Variants in PXN observed in about 807,000 individuals in gnomAD.
PXN encodes the protein paxillin.
Under a neutral mutation model 103.6 loss-of-function variants are expected in PXN, and 61 were observed. That is an observed-to-expected ratio of 0.59 (90% CI 0.48 to 0.73). The LOEUF (loss-of-function observed/expected upper bound fraction) is 0.73. Ranked by LOEUF, PXN falls within the 30% of genes least tolerant of loss-of-function variation. The pLI is 0.00. For missense variants in PXN, 1,274 were observed against 1,460.3 expected, an observed-to-expected ratio of 0.87 and a Z score of 2.08; for synonymous variants, 562 against 607.8, an observed-to-expected ratio of 0.92 and a Z score of 1.11.
rs543484779 is a variant in PXN, at chr12:120,228,883, C to T, written c.14-4506G>A. On this transcript the variant is annotated intron_variant, in intron 1 of 14. Coordinates refer to ENST00000637617, the MANE Select transcript of PXN (RefSeq NM_001385981.1). This position sits in a 1 kb window ranked among gnomAD's most constrained non-coding sequence, Gnocchi z 4.7. ...CTGCAGCTTTGGGTCGGGAGGCCGC[C>T]CTGGGGCAGGTGGCTGGGCAGAAAC... 9.5e-4 allele frequency among the ~76,000 whole-genome samples: 145 copies of T among 151,910 alleles called. 1 individual carries two copies. The highest frequency in any genetic ancestry group is 3.4e-3 in the African/African-American group (140 of 41,190).
intron 1 of PXN, among the ~76,000 whole-genome samples, chr12:120,249,356 A>G (rs2136608501): frequency 6.6e-6 from 1 of 152,278 alleles, no homozygotes; most frequent in African/African-American, 2.4e-5. Flanking sequence ...GGATCAGTCC[A>G]GAAGCACAGA....
chr12:120,253,793 G>A (rs1372330884), intron 1 of PXN, among the ~76,000 whole-genome samples: 2 of 152,208 alleles, frequency 1.3e-5, no homozygotes, highest in African/African-American at 4.8e-5. Context: ...AGCATGGAAG[G>A]ACGTGCTAAG....
In PXN at chr12:120,212,070, G is replaced by T; in HGVS notation, c.*244C>A. The stretch of plus-strand genomic sequence containing the variant: ...GTGGAGCCCCCAGCCTCTACCCCTG[G>T]GGAGGATGGAGAGTGGGCAGCCTAG... On this transcript the variant is annotated 3_prime_UTR_variant, in exon 15 of 15. Transcript: ENST00000637617. This position sits in a 1 kb window ranked among gnomAD's most constrained non-coding sequence, Gnocchi z 7.2. The T allele has an allele frequency of 2.7e-6, 2 of 733,040 alleles. No individual in the cohort carries two copies. The highest frequency in any genetic ancestry group is 2.5e-6 in the Non-Finnish European group (1 of 401,378). 45.4% of individuals were successfully genotyped at this position (733,040 alleles called of 1,614,324 possible).
chr12:120,243,383 G>A lies in PXN; in HGVS notation c.14-19006C>T, dbSNP rs554492964. ...GGTTGGGGCCTTTTCTAAATGTTGA[G>A]GTTCTATTTAAACACACAACAAAAG... On this transcript the variant is annotated intron_variant, in intron 1 of 14. Coordinates refer to ENST00000637617, the MANE Select transcript of PXN (RefSeq NM_001385981.1). 3.3e-5 allele frequency among the ~76,000 whole-genome samples: 5 copies of A among 152,238 alleles called. No homozygotes were observed. In the East Asian group the frequency reaches 9.7e-4, roughly 29 times the overall value.
Position 120,216,832 on chromosome 12 carries a change from CCTCGCCACCTT to C in PXN, c.1990_1992+8del, listed in dbSNP as rs753967042. The C allele has an allele frequency of 3.2e-6, 5 of 1,542,408 alleles. 1 individual carries two copies. The South Asian group carries it at 6.0e-5, about 18-fold the overall frequency. ...GGCCCAGCCCCAGCCATGGGCATCT[CCTCGCCACCTT>C]CTCTACGAGCTGCCCCCCGGCCCGC... On this transcript the variant is annotated splice_donor_variant and splice_donor_5th_base_variant and coding_sequence_variant and intron_variant, in exon 8 of 15. Transcript: ENST00000637617. LOFTEE classifies it high-confidence loss of function. The surrounding 1 kb of genome is among the most constrained non-coding windows in gnomAD (Gnocchi z 5.1).
Position 120,214,773 on chromosome 12 carries a change from C to A in PXN, c.2748+52G>T. On this transcript the variant is annotated intron_variant, in intron 12 of 14. Coordinates refer to ENST00000637617, the MANE Select transcript of PXN (RefSeq NM_001385981.1). This position sits in a 1 kb window ranked among gnomAD's most constrained non-coding sequence, Gnocchi z 5.0. ...CACCCCCTGCATCCTCAGAGGGCTG[C>A]GGTGAAGCTGGAATGAGCGGAAGCG... 1 of 1,601,416 alleles carries A rather than the reference C, an allele frequency of 6.2e-7. No homozygotes were observed. The highest frequency in any genetic ancestry group is 1.7e-4 in the Middle Eastern group (1 of 5,718).
At chr12:120,230,599 G>T (rs1452109524) in intron 1 of PXN, among the ~76,000 whole-genome samples, 1 of 152,172 alleles carries the variant, frequency 6.6e-6, no homozygotes, top group African/African-American at 2.4e-5. Flanking sequence ...GATTAGGAAG[G>T]AAAACAGAAC....
intron 1 of PXN, among the ~76,000 whole-genome samples, chr12:120,254,927 A>G (rs1316408952): frequency 6.6e-6 from 1 of 152,222 alleles, no homozygotes; most frequent in Non-Finnish European, 1.5e-5. Flanking sequence ...AATGCCCATT[A>G]TCTAATACAG....
At position 120,228,830 on chromosome 12, in the gene PXN, A is replaced by T. The variant is rs1887441608; in HGVS notation, c.14-4453T>A. On this transcript the variant is annotated intron_variant, in intron 1 of 14. Coordinates refer to ENST00000637617, the MANE Select transcript of PXN (RefSeq NM_001385981.1). This position sits in a 1 kb window ranked among gnomAD's most constrained non-coding sequence, Gnocchi z 4.7. ...GCCCCTATCTGCACCCCATGGCTGC[A>T]CCTGGTCGGAGCAACAGCATGGAAC... Among the ~76,000 whole-genome samples, 1 of 152,188 alleles carries T rather than the reference A, an allele frequency of 6.6e-6. No individual in the cohort carries two copies. The highest frequency in any genetic ancestry group is 1.9e-4 in the East Asian group (1 of 5,186).
At chr12:120,231,956 C>T (rs1323321740) in intron 1 of PXN, among the ~76,000 whole-genome samples, 1 of 152,268 alleles carries the variant, frequency 6.6e-6, no homozygotes, top group Admixed American at 6.5e-5. Flanking sequence ...TGACTCTGAG[C>T]ACTTCTATGC....
chr12:120,234,669 G>A (rs1594452049), intron 1 of PXN, among the ~76,000 whole-genome samples: 1 of 152,126 alleles, frequency 6.6e-6, no homozygotes, highest in East Asian at 1.9e-4. Context: ...GTTCAAATCC[G>A]CCACTCACTA....
At chr12:120,249,804 G>A (rs1891855546) in intron 1 of PXN, 4 of 953,924 alleles carry the variant, frequency 4.2e-6, no homozygotes, top group Non-Finnish European at 5.0e-6. Flanking sequence ...GAAAGTTCAG[G>A]ACACAGCAGA....
In PXN at chr12:120,222,670, C is replaced by G; in HGVS notation, c.574G>C (p.Gly192Arg). ...TCTTTCGTCAGGGGCCCAGCTTTGC[C>G]TCCCAAGGGGCTGTTAGTCTCTGGG... is the stretch of plus-strand genomic sequence containing the variant. ...GVPETNSPLG[G>R]KAGPLTKEKP... Residue 192 changes from glycine (G) to arginine (R), a missense_variant, in exon 5 of 15, where the codon GGC becomes CGC. Physicochemically the swap from Gly to Arg is moderately radical, Grantham distance 125 (BLOSUM62 -2). Around this residue, in one of 2 missense-constraint regions of PXN, gnomAD observed 1,178 missense variants for 1,309.0 expected, o/e 0.90. Transcript: ENST00000637617. The surrounding 1 kb of genome is among the most constrained non-coding windows in gnomAD (Gnocchi z 4.7). The G allele has an allele frequency of 6.2e-7, 1 of 1,608,772 alleles. No individual in the cohort carries two copies. The highest frequency in any genetic ancestry group is 8.5e-7 in the Non-Finnish European group (1 of 1,177,794).
At chr12:120,238,427 G>C (rs941108733) in intron 1 of PXN, among the ~76,000 whole-genome samples, 3 of 152,194 alleles carry the variant, frequency 2.0e-5, no homozygotes, top group African/African-American at 7.2e-5. Context: ...CTCCAACCAG[G>C]CTTGGCTGGC....
rs893023789 is a variant in PXN at position 120,228,640 on chromosome 12, A to G, written c.14-4263T>C. ...GCGCAGTGGGGAAGTTTCTATCCTTAGAGAACAAGGCTGAGCTGGAGGAAC... is the reference window on the plus strand; with the variant it reads ...GCGCAGTGGGGAAGTTTCTATCCTTGGAGAACAAGGCTGAGCTGGAGGAAC... On this transcript the variant is annotated intron_variant, in intron 1 of 14. Coordinates refer to ENST00000637617, the MANE Select transcript of PXN (RefSeq NM_001385981.1). The surrounding 1 kb of genome is among the most constrained non-coding windows in gnomAD (Gnocchi z 4.7). 6.6e-6 allele frequency among the ~76,000 whole-genome samples: 1 copy of G among 152,228 alleles called. No individual in the cohort carries two copies. The highest frequency in any genetic ancestry group is 2.1e-4 in the South Asian group (1 of 4,834).
intron 1 of PXN, among the ~76,000 whole-genome samples, chr12:120,242,346 C>T (rs1170172589): frequency 3.3e-5 from 5 of 152,140 alleles, no homozygotes; most frequent in Non-Finnish European, 7.3e-5. Context: ...CTGCACGAGT[C>T]TGCCTCTGAA....
In PXN at chr12:120,216,328, G is replaced by T. The variant is rs1353211388; in HGVS notation, c.2246C>A (p.Thr749Asn). 16 of 1,288,710 alleles carry T rather than the reference G, an allele frequency of 1.2e-5. No homozygotes were observed. Among genetic ancestry groups the T allele is most frequent in the Admixed American group, 3.9e-5 (1 of 25,852 alleles). 79.8% of individuals were successfully genotyped at this position (1,288,710 alleles called of 1,614,324 possible). A position where few individuals can be genotyped will look rare whatever the true frequency, so the allele number is the denominator to read the frequency against. The change falls in exon 9 of 15, where the codon ACC becomes AAC. Residue 749 changes from threonine (T) to asparagine (N), a missense_variant. This residue lies in a region of PXN where 1,178 missense variants were observed against 1,309.0 expected (regional missense o/e 0.90). Coordinates refer to ENST00000637617, the MANE Select transcript of PXN (RefSeq NM_001385981.1). The surrounding 1 kb of genome is among the most constrained non-coding windows in gnomAD (Gnocchi z 5.1). The part of the protein sequence containing the change: ...GPALPIPAPH[T>N]MRSVGCQTDE... ...AGTCTGGCAGCCCACGGACCTCATG[G>T]TGTGGGGTGCAGGAATGGGAAGGGC...
At position 120,226,419 on chromosome 12, in the gene PXN, T is replaced by G. The variant is rs1020780657; in HGVS notation, c.14-2042A>C. ...GTATAACTGCGGTTCAGAGGCAGAGTCACATCCCACACTGCCAAGGCTGGA... is the reference window on the plus strand; with the variant it reads ...GTATAACTGCGGTTCAGAGGCAGAGGCACATCCCACACTGCCAAGGCTGGA... On this transcript the variant is annotated intron_variant, in intron 1 of 14. Transcript: ENST00000637617. 5.4e-6 allele frequency: 7 copies of G among 1,288,882 alleles called. No homozygotes were observed. The African/African-American group carries it at 1.1e-4, about 20-fold the overall frequency. The allele number at this position is 1,288,882 out of a possible 1,614,324, so 79.8% of individuals were successfully genotyped here. A position where few individuals can be genotyped will look rare whatever the true frequency, so the allele number is the denominator to read the frequency against.
Position 120,222,621 on chromosome 12 carries a change from C to T in PXN, c.623G>A (p.Arg208Gln), listed in dbSNP as rs550755068. 38 of 1,609,594 alleles carry T rather than the reference C, an allele frequency of 2.4e-5. No homozygotes were observed. Among genetic ancestry groups the T allele is most frequent in the East Asian group, 6.7e-5 (3 of 44,728 alleles). The part of the protein sequence containing the change: ...TKEKPKRNGG[R>Q]GLEDVRPSVE... ...ACTGGGCCGCACGTCCTCCAGGCCC[C>T]GGCCCCCATTCCGCTTAGGCTTCTC... Residue 208 changes from arginine (R) to glutamine (Q), a missense_variant, in exon 5 of 15, where the codon CGG becomes CAG. By Grantham distance (43) the Arg-to-Gln change is conservative. Coordinates refer to ENST00000637617, the MANE Select transcript of PXN (RefSeq NM_001385981.1). The surrounding 1 kb of genome is among the most constrained non-coding windows in gnomAD (Gnocchi z 4.7).
Sources: gnomAD v4.1 joint callset for allele counts (sites outside exome capture counted in the v4.1 genomes callset) on GRCh38, gnomAD v4.1.1 for gene constraint, gnomAD v4.1.1 regional missense constraint, Gnocchi (gnomAD v3.1) non-coding constraint, MANE v1.5 for transcripts, NCBI Gene and HGNC (gene_info 2026-07-23, HGNC 2026-07-21) for gene names.